The following PDS5A variants were observed in gnomAD, a reference collection of about 807,000 sequenced individuals.
PDS5A encodes PDS5 cohesin associated factor A.
In PDS5A, 42 loss-of-function variants were observed where a neutral mutation model predicts 167.1. The observed-to-expected ratio is 0.25, with a 90% CI of 0.20 to 0.33. The LOEUF (loss-of-function observed/expected upper bound fraction) is 0.33, where lower values mean the gene tolerates loss of function less well. Ranked by LOEUF, PDS5A falls within the 10% of genes least tolerant of loss-of-function variation. The pLI is 1.00. For missense variants in PDS5A, 1,033 were observed against 1,605.9 expected (o/e 0.64, Z 6.10); for synonymous variants, 553 against 554.6 (o/e 1.00, Z 0.04).
chr4:39,838,123 T>G lies in PDS5A; in HGVS notation c.3743A>C (p.Asn1248Thr), dbSNP rs768042410. Residue 1248 changes from asparagine to threonine, a missense_variant, in exon 32 of 33, where the codon AAT becomes ACT. By Grantham distance (65) the Asn-to-Thr change is moderately conservative (BLOSUM62 0). Around this residue, in one of 4 missense-constraint regions of PDS5A, gnomAD observed 233 missense variants for 264.0 expected, o/e 0.88. Coordinates refer to ENST00000303538, the MANE Select transcript of PDS5A (RefSeq NM_001100399.2). ...KRTVTAAGAENIQQKTDEKVD... is the reference protein window; with the variant it reads ...KRTVTAAGAETIQQKTDEKVD... ...TTTCTCATCTGTTTTTTGTTGGATATTCTCTGCACCAGCTGCTGTTACTGT... is the reference window on the plus strand; with the variant it reads ...TTTCTCATCTGTTTTTTGTTGGATAGTCTCTGCACCAGCTGCTGTTACTGT... 1.9e-6 allele frequency: 3 copies of G among 1,613,786 alleles called. No homozygotes were observed. The highest frequency in any genetic ancestry group is 2.2e-5 in the South Asian group (2 of 91,050).
chr4:39,894,407 CAAAAAAAAAA>C (rs1722220137), intron 16 of PDS5A, among the ~76,000 whole-genome samples: 2 of 143,106 alleles, frequency 1.4e-5, no homozygotes, highest in South Asian at 4.4e-4. Context: ...GACCCTATCT[CAAAAAAAAAA>C]GAAAAAAATA....
chr4:39,884,767 G>A (rs1427557110), intron 17 of PDS5A, among the ~76,000 whole-genome samples: 2 of 152,054 alleles, frequency 1.3e-5, no homozygotes, highest in Admixed American at 6.6e-5. Context: ...TTTCCCTCAC[G>A]ATTCAGTCCT....
At chr4:39,975,378 G>A (rs1176610025) in intron 2 of PDS5A, among the ~76,000 whole-genome samples, 1 of 152,138 alleles carries the variant, frequency 6.6e-6, no homozygotes, top group Non-Finnish European at 1.5e-5. Flanking sequence ...TGCAACATTA[G>A]GTACATTTAC....
In PDS5A at chr4:39,867,770, A is replaced by C. The variant is rs1356135042; in HGVS notation, c.2506-773T>G. On this transcript the variant is annotated intron_variant, in intron 22 of 32. Transcript: ENST00000303538. ...CACACACACACACACACACACACACACACACCCCACAACTGTACTGATTGT... is the reference window on the plus strand; with the variant it reads ...CACACACACACACACACACACACACCCACACCCCACAACTGTACTGATTGT... 2.9e-4 allele frequency among the ~76,000 whole-genome samples: 35 copies of C among 119,664 alleles called. No homozygotes were observed. The South Asian group carries it at 7.8e-3, about 27-fold the overall frequency. 78.5% of individuals were successfully genotyped at this position (119,664 alleles called of 152,430 possible). A position where few individuals can be genotyped will look rare whatever the true frequency, so the allele number is the denominator to read the frequency against.
intron 2 of PDS5A, among the ~76,000 whole-genome samples, chr4:39,945,490 A>AGG (rs1259739196): frequency 2.0e-5 from 3 of 151,242 alleles, no homozygotes; most frequent in African/African-American, 4.9e-5. Flanking sequence ...AATTAAATGC[A>AGG]GGCAATGTAG....
intron 3 of PDS5A, among the ~76,000 whole-genome samples, chr4:39,927,473 T>C (rs1361807652): frequency 6.6e-6 from 1 of 152,158 alleles, no homozygotes; most frequent in Non-Finnish European, 1.5e-5. Context: ...TTGCCAAGAA[T>C]GAAATTATTC....
chr4:39,973,609 G>T (rs1045521892), intron 2 of PDS5A: 13 of 1,286,216 alleles, frequency 1.0e-5, no homozygotes, highest in Non-Finnish European at 1.4e-5. Flanking sequence ...CTCCTTCCCG[G>T]AAGAAGCCAC....
chr4:39,934,059 T>C (rs1038775018), intron 2 of PDS5A, among the ~76,000 whole-genome samples: 1 of 152,158 alleles, frequency 6.6e-6, no homozygotes, highest in Admixed American at 6.5e-5. Context: ...GAAGCATCCA[T>C]TTTGTGCTGG....
At chr4:39,834,674 A>G (rs60566095) in intron 32 of PDS5A, among the ~76,000 whole-genome samples, 4,930 of 152,288 alleles carry the variant, frequency 0.032, 254 homozygotes, top group African/African-American at 0.11. Flanking sequence ...AATGGCTTCT[A>G]TCATTGCTTA....
Position 39,953,662 on chromosome 4 carries a change from C to G in PDS5A, c.138+22778G>C, listed in dbSNP as rs192178689. Among the ~76,000 whole-genome samples the G allele has an allele frequency of 3.3e-5, 5 of 152,116 alleles. No individual in the cohort carries two copies. The East Asian group carries it at 9.7e-4, about 29-fold the overall frequency. On this transcript the variant is annotated intron_variant, in intron 2 of 32. Coordinates refer to ENST00000303538, the MANE Select transcript of PDS5A (RefSeq NM_001100399.2). ...AGGAGGATCGCTTGAGCTGGGAAGT[C>G]AAGCCTGCAGTGAGCCATGATCGTA...
At chr4:39,930,246 A>AAAAAAAAAATATTATTATTTTTTTTTT in intron 2 of PDS5A, among the ~76,000 whole-genome samples, 1 of 93,090 alleles carries the variant, frequency 1.1e-5, no homozygotes. Context: ...AAAAAAAAAA[A>AAAAAAAAAATATTATTATTTTTTTTTT]GTTTTTTTGT....
intron 1 of PDS5A, 121 bp from the exon 2 acceptor site, chr4:39,976,738 G>T: frequency 2.0e-6 from 1 of 500,648 alleles, no homozygotes; most frequent in Non-Finnish European, 3.4e-6. Context: ...ACCCGGCAGC[G>T]GCCTCGCCAC....
chr4:39,953,422 G>GT (rs34704998), intron 2 of PDS5A, among the ~76,000 whole-genome samples: 4,311 of 142,408 alleles, frequency 0.03, 142 homozygotes, highest in East Asian at 0.18. Flanking sequence ...TGAAGAATCA[G>GT]TTTTTTTTTT....
chr4:39,975,535 C>G (rs1486022632), intron 2 of PDS5A, among the ~76,000 whole-genome samples: 1 of 152,200 alleles, frequency 6.6e-6, no homozygotes, highest in Non-Finnish European at 1.5e-5. Context: ...TAAATCATTT[C>G]CTAGTCACTA....
At chr4:39,836,775 A>G (rs1346336503) in intron 32 of PDS5A, among the ~76,000 whole-genome samples, 1 of 144,748 alleles carries the variant, frequency 6.9e-6, no homozygotes, top group African/African-American at 2.5e-5. Flanking sequence ...ATAAATGATA[A>G]TATTTTAAAT....
rs780075310 is a variant in PDS5A, at chr4:39,929,536, T to TACAC, written c.139-1373_139-1372insGTGT. ...TTAATAAACTATATATATATATATA[T>TACAC]ATATATATATATATATATATCCCAT... On this transcript the variant is annotated intron_variant, in intron 2 of 32. Coordinates refer to ENST00000303538, the MANE Select transcript of PDS5A (RefSeq NM_001100399.2). 6.1e-4 allele frequency among the ~76,000 whole-genome samples: 71 copies of TACAC among 116,662 alleles called. 2 individuals are homozygous for TACAC. Among genetic ancestry groups the TACAC allele is most frequent in the Middle Eastern group, 4.1e-3 (1 of 242 alleles). 76.5% of individuals were successfully genotyped at this position (116,662 alleles called of 152,430 possible). A position where few individuals can be genotyped will look rare whatever the true frequency, so the allele number is the denominator to read the frequency against.
At chr4:39,906,917 T>TAAAATA (rs1320189136) in intron 11 of PDS5A, among the ~76,000 whole-genome samples, 24 of 54,026 alleles carry the variant, frequency 4.4e-4, no homozygotes, top group African/African-American at 1.0e-3. Flanking sequence ...ATTTCTTACA[T>TAAAATA]AAAAAAAAAA....
chr4:39,835,724 T>C (rs1047254857), intron 32 of PDS5A, among the ~76,000 whole-genome samples: 1 of 152,148 alleles, frequency 6.6e-6, no homozygotes, highest in African/African-American at 2.4e-5. Flanking sequence ...GGTTTCTCCA[T>C]GTTGGCCAGA....
chr4:39,828,193 G>C (rs1434523118), intron 32 of PDS5A, among the ~76,000 whole-genome samples: 1 of 152,078 alleles, frequency 6.6e-6, no homozygotes, highest in Non-Finnish European at 1.5e-5. Context: ...ACATAAACAG[G>C]AATACTTACT....
Sources: gnomAD v4.1 joint callset for allele counts (sites outside exome capture counted in the v4.1 genomes callset) on GRCh38, gnomAD v4.1.1 for gene constraint, gnomAD v4.1.1 regional missense constraint, MANE v1.5 for transcripts, NCBI Gene and HGNC (gene_info 2026-07-23, HGNC 2026-07-21) for gene names.